DNER: variants seen among roughly 807,000 people sequenced by gnomAD.
The protein encoded by DNER is delta and Notch-like epidermal growth factor-related receptor.
In DNER, 33 loss-of-function variants were observed where a neutral mutation model predicts 78.2. That is an observed-to-expected ratio of 0.42 (90% CI 0.32 to 0.56). DNER has a LOEUF of 0.56. Among genes scored for constraint, DNER ranks in the 20% least tolerant of loss-of-function variants. DNER has a pLI of 0.11. For missense variants in DNER, 918 were observed against 975.3 expected, an observed-to-expected ratio of 0.94 and a Z score of 0.78; for synonymous variants, 417 against 384.8, an observed-to-expected ratio of 1.08 and a Z score of -0.98.
At chr2:229,443,853 GACTTGTCATGTTCACCTCTTA>G (rs1255403220) in intron 8 of DNER, among the ~76,000 whole-genome samples, 3 of 152,140 alleles carry the variant, frequency 2.0e-5, no homozygotes, top group Non-Finnish European at 4.4e-5. Flanking sequence ...CACATTCACA[GACTTGTCATGTTCACCTCTTA>G]AAATGTAAGT....
chr2:229,381,498 C>A (rs958363877), intron 11 of DNER, among the ~76,000 whole-genome samples: 14 of 152,180 alleles, frequency 9.2e-5, no homozygotes, highest in East Asian at 1.9e-4. Flanking sequence ...ATCCCACCCC[C>A]ACGGAGCCCA....
intron 11 of DNER, among the ~76,000 whole-genome samples, chr2:229,370,399 A>T (rs1395444483): frequency 6.6e-6 from 1 of 152,216 alleles, no homozygotes; most frequent in Admixed American, 6.5e-5. Flanking sequence ...TGAGCTCATA[A>T]GGCCCACGGA....
At chr2:229,391,761 T>G (rs1313810593) in intron 10 of DNER, among the ~76,000 whole-genome samples, 1 of 152,286 alleles carries the variant, frequency 6.6e-6, no homozygotes, top group East Asian at 1.9e-4. Flanking sequence ...CAGGCTGATC[T>G]TGAACTCCTG....
At chr2:229,471,372 T>G (rs907496257) in intron 7 of DNER, among the ~76,000 whole-genome samples, 8 of 152,164 alleles carry the variant, frequency 5.3e-5, no homozygotes, top group African/African-American at 1.9e-4. Context: ...AAAAATAGTT[T>G]TGTAAATGCT....
At chr2:229,380,530 G>T (rs148214559) in intron 11 of DNER, among the ~76,000 whole-genome samples, 1 of 152,312 alleles carries the variant, frequency 6.6e-6, no homozygotes, top group South Asian at 2.1e-4. Flanking sequence ...CAACCAGCAT[G>T]GTTAGCTCTC....
intron 1 of DNER, among the ~76,000 whole-genome samples, chr2:229,694,080 A>G (rs1254502680): frequency 5.3e-5 from 8 of 152,206 alleles, no homozygotes; most frequent in Admixed American, 4.6e-4. Flanking sequence ...AGCCATGGCT[A>G]AAAGGGGCAA....
rs1553555262 is a variant in DNER, at chr2:229,710,983, G to GCGCACACACA, written c.276+3164_276+3165insTGTGTGTGCG. 8.7e-3 allele frequency among the ~76,000 whole-genome samples: 1,210 copies of GCGCACACACA among 139,800 alleles called. 26 individuals carry two copies. Among genetic ancestry groups the GCGCACACACA allele is most frequent in the Admixed American group, 0.044 (603 of 13,850 alleles). 91.7% of individuals were successfully genotyped at this position (139,800 alleles called of 152,430 possible). A position where few individuals can be genotyped will look rare whatever the true frequency, so the allele number is the denominator to read the frequency against. ...GACTGAAAATGGCATGCATACACGC[G>GCGCACACACA]CACACACACACACACACACACACAC... On this transcript the variant is annotated intron_variant, in intron 1 of 12. Transcript: ENST00000341772.
intron 8 of DNER, among the ~76,000 whole-genome samples, chr2:229,445,148 A>G (rs1283963165): frequency 1.3e-5 from 2 of 152,152 alleles, no homozygotes; most frequent in Non-Finnish European, 2.9e-5. Context: ...TTCCAGCACA[A>G]TTGCAGCTTG....
intron 4 of DNER, among the ~76,000 whole-genome samples, chr2:229,581,209 C>T (rs1559172908): frequency 2.0e-5 from 3 of 152,138 alleles, no homozygotes; most frequent in Non-Finnish European, 4.4e-5. Context: ...ACCCTGAGAT[C>T]GGCCATCACA....
At chr2:229,564,414 A>ACACCAT (rs1697055534) in intron 4 of DNER, among the ~76,000 whole-genome samples, 2 of 138,074 alleles carry the variant, frequency 1.4e-5, no homozygotes, top group Non-Finnish European at 3.1e-5. Context: ...CAACATCATC[A>ACACCAT]CACCATCACC....
chr2:229,606,440 G>C (rs1057033917), intron 1 of DNER: 11 of 151,958 alleles, frequency 7.2e-5, no homozygotes, highest in African/African-American at 2.7e-4. Flanking sequence ...AAATCCACCA[G>C]CAGTCCCGAG....
chr2:229,618,670 A>G lies in DNER; in HGVS notation c.277-26782T>C, dbSNP rs80111668. Among the ~76,000 whole-genome samples, 21 of 152,238 alleles carry G rather than the reference A, an allele frequency of 1.4e-4. No individual in the cohort carries two copies. The East Asian group carries it at 3.7e-3, about 27-fold the overall frequency. On this transcript the variant is annotated intron_variant, in intron 1 of 12. Transcript: ENST00000341772. ...CAAATTGTTATGTTGCACATTTCAT[A>G]CTCTATTTGTGAGTAGACTAAAGTC...
At chr2:229,673,474 G>T (rs1011550173) in intron 1 of DNER, among the ~76,000 whole-genome samples, 2 of 152,192 alleles carry the variant, frequency 1.3e-5, no homozygotes, top group African/African-American at 4.8e-5. Flanking sequence ...CATATACCTT[G>T]TTCTTCAGAG....
At chr2:229,394,145 G>C (rs987317925) in intron 10 of DNER, among the ~76,000 whole-genome samples, 8 of 152,252 alleles carry the variant, frequency 5.3e-5, no homozygotes, top group African/African-American at 1.9e-4. Flanking sequence ...CCCAGTTCCA[G>C]GAATGCCTCT....
chr2:229,604,845 G>T (rs945766967), intron 1 of DNER, among the ~76,000 whole-genome samples: 16 of 152,072 alleles, frequency 1.1e-4, no homozygotes, highest in African/African-American at 3.9e-4. Context: ...GCTTCATATA[G>T]ACAGCTACAC....
chr2:229,364,956 T>C (rs1427608770), intron 12 of DNER, among the ~76,000 whole-genome samples: 6 of 151,154 alleles, frequency 4.0e-5, no homozygotes, highest in Admixed American at 2.6e-4. Flanking sequence ...GTTCAAGTGA[T>C]TCTCCTGCCT....
At chr2:229,610,617 C>T (rs1698029033) in intron 1 of DNER, among the ~76,000 whole-genome samples, 1 of 151,990 alleles carries the variant, frequency 6.6e-6, no homozygotes, top group Admixed American at 6.6e-5. Context: ...TTTCGTGATA[C>T]TTAGGCATCT....
intron 1 of DNER, among the ~76,000 whole-genome samples, chr2:229,642,347 C>T (rs1471036651): frequency 6.6e-6 from 1 of 152,134 alleles, no homozygotes; most frequent in Middle Eastern, 3.2e-3. Context: ...AATGAGAAAG[C>T]CACTTTGACA....
chr2:229,495,251 A>G (rs936590223), intron 6 of DNER, among the ~76,000 whole-genome samples: 15 of 152,208 alleles, frequency 9.9e-5, no homozygotes, highest in African/African-American at 2.7e-4. Flanking sequence ...AAATACTAGA[A>G]TGTAGCTCAG....
Sources: allele counts gnomAD v4.1 joint callset (sites outside exome capture counted in the v4.1 genomes callset), GRCh38; gene constraint gnomAD v4.1.1; transcripts MANE v1.5; gene names NCBI Gene and HGNC (gene_info 2026-07-23, HGNC 2026-07-21).